The following MIGA1 variants were observed in gnomAD, a reference collection of about 807,000 sequenced individuals.
The protein encoded by MIGA1 is mitoguardin 1, also known as family with sequence similarity 73, member A.
MIGA1 carries 58 observed loss-of-function variants against 82.0 expected under a neutral mutation model. The ratio of observed to expected loss-of-function variants is 0.71; its 90% confidence interval spans 0.57 to 0.88. MIGA1 has a LOEUF of 0.88. Ranked by LOEUF, MIGA1 falls within the 40% of genes least tolerant of loss-of-function variation. MIGA1 has a pLI of 0.00. For missense variants in MIGA1, 751 were observed against 749.1 expected (o/e 1.00, Z -0.03); for synonymous variants, 249 against 253.6 (o/e 0.98, Z 0.17).
chr1:77,840,487 A>G (rs1684587255), intron 7 of MIGA1, among the ~76,000 whole-genome samples: 1 of 152,152 alleles, frequency 6.6e-6, no homozygotes. Context: ...ATATGGAAAC[A>G]AGAGTTAATT....
chr1:77,859,455 C>A, intron 10 of MIGA1, 69 bp downstream of exon 10: 2 of 1,017,102 alleles, frequency 2.0e-6, no homozygotes, highest in Non-Finnish European at 3.1e-6. Context: ...GAGTCCAGTG[C>A]AAATAAACAG....
intron 14 of MIGA1, among the ~76,000 whole-genome samples, chr1:77,867,811 A>G (rs559554892): frequency 8.1e-4 from 124 of 152,362 alleles, no homozygotes; most frequent in Non-Finnish European, 1.6e-3. Flanking sequence ...ATTTTAAAGT[A>G]TAGTCCTCAC....
chr1:77,857,362 T>C (rs1407070869), intron 8 of MIGA1, among the ~76,000 whole-genome samples: 1 of 151,918 alleles, frequency 6.6e-6, no homozygotes, highest in Non-Finnish European at 1.5e-5. Flanking sequence ...TTGTATTGTA[T>C]TGTATTGTAT....
chr1:77,871,113 G>C (rs1685971138), intron 14 of MIGA1, among the ~76,000 whole-genome samples: 1 of 20,410 alleles, frequency 4.9e-5, no homozygotes, highest in Non-Finnish European at 2.2e-4. Context: ...GAGAGGGAGA[G>C]GGAGAGGGAG....
chr1:77,810,669 A>T (rs1683289946), intron 5 of MIGA1, among the ~76,000 whole-genome samples: 1 of 152,204 alleles, frequency 6.6e-6, no homozygotes, highest in Non-Finnish European at 1.5e-5. Context: ...CTGTATCCCA[A>T]GGAGTCCTAT....
chr1:77,866,249 TTTTA>T (rs1685661913), intron 13 of MIGA1, 85 bp from the exon 14 acceptor site: 3 of 1,232,178 alleles, frequency 2.4e-6, no homozygotes, highest in Admixed American at 1.7e-5. Flanking sequence ...GTATTGAACG[TTTTA>T]GACCCATAAA....
intron 5 of MIGA1, among the ~76,000 whole-genome samples, chr1:77,808,041 A>G (rs1683170913): frequency 6.6e-6 from 1 of 151,538 alleles, no homozygotes; most frequent in Non-Finnish European, 1.5e-5. Flanking sequence ...GCTGGTCTTG[A>G]ACTCCTGAGC....
At chr1:77,853,064 C>T (rs1685114422) in intron 8 of MIGA1, among the ~76,000 whole-genome samples, 1 of 152,196 alleles carries the variant, frequency 6.6e-6, no homozygotes, top group African/African-American at 2.4e-5. Flanking sequence ...ATTAGCACAG[C>T]ACTGGCTGCA....
At chr1:77,819,118 T>A (rs1683701394) in intron 7 of MIGA1, among the ~76,000 whole-genome samples, 1 of 148,932 alleles carries the variant, frequency 6.7e-6, no homozygotes, top group Non-Finnish European at 1.5e-5. Context: ...ATCATCTCAA[T>A]CCCTACAACA....
chr1:77,855,553 G>A (rs182164040), intron 8 of MIGA1, among the ~76,000 whole-genome samples: 230 of 152,092 alleles, frequency 1.5e-3, no homozygotes, highest in African/African-American at 5.1e-3. Context: ...TGTTTGGGTC[G>A]TCTCTGATTT....
At chr1:77,832,080 TAGC>T (rs1684265127) in intron 7 of MIGA1, among the ~76,000 whole-genome samples, 1 of 152,226 alleles carries the variant, frequency 6.6e-6, no homozygotes, top group Admixed American at 6.5e-5. Flanking sequence ...GTAGTAGTAT[TAGC>T]AGGCAACACT....
intron 3 of MIGA1, 132 bp from the exon 4 acceptor site, chr1:77,803,138 T>C: frequency 2.3e-6 from 1 of 430,784 alleles, no homozygotes. Context: ...TGTAATAATT[T>C]ACACAAGTGA....
intron 7 of MIGA1, among the ~76,000 whole-genome samples, chr1:77,839,086 G>A (rs2101879127): frequency 6.6e-6 from 1 of 152,222 alleles, no homozygotes; most frequent in Admixed American, 6.5e-5. Flanking sequence ...CACACCCACG[G>A]GTAGAATTGC....
Position 77,806,214 on chromosome 1 carries a change from T to C in MIGA1, c.511-761T>C, listed in dbSNP as rs192297577. ...CTGTACCACATGCTACTGAACTGAA[T>C]AATGTAGGCAATTGAAACACAATGG... On this transcript the variant is annotated intron_variant, in intron 4 of 15. Transcript: ENST00000370791. Among the ~76,000 whole-genome samples, 334 of 152,314 alleles carry C rather than the reference T, an allele frequency of 2.2e-3. 3 individuals carry two copies. The highest frequency in any genetic ancestry group is 7.7e-3 in the African/African-American group (320 of 41,562).
chr1:77,851,415 C>T (rs1313797586), intron 8 of MIGA1, among the ~76,000 whole-genome samples: 1 of 152,084 alleles, frequency 6.6e-6, no homozygotes, highest in Non-Finnish European at 1.5e-5. Context: ...CTGAAATTAA[C>T]TGCCTTATTG....
In MIGA1 at chr1:77,877,739, G is replaced by C. The variant is rs934797180; in HGVS notation, c.*2675G>C. On this transcript the variant is annotated 3_prime_UTR_variant, in exon 16 of 16. Coordinates refer to ENST00000370791, the MANE Select transcript of MIGA1 (RefSeq NM_198549.4). ...TTGAAGAATTGCACTATTTGATAAT[G>C]CTGCTACTACATGAGATAACTCTGG... 3 of 152,690 alleles carry C rather than the reference G, an allele frequency of 2.0e-5. No individual in the cohort carries two copies. The highest frequency in any genetic ancestry group is 4.4e-5 in the Non-Finnish European group (3 of 68,048). 9.5% of individuals were successfully genotyped at this position (152,690 alleles called of 1,614,324 possible).
At chr1:77,839,152 G>A (rs1416000502) in intron 7 of MIGA1, among the ~76,000 whole-genome samples, 2 of 152,114 alleles carry the variant, frequency 1.3e-5, no homozygotes, top group African/African-American at 2.4e-5. Context: ...ACTTTTCAAA[G>A]TGGTTCTGCC....
intron 7 of MIGA1, among the ~76,000 whole-genome samples, chr1:77,818,278 C>G (rs1197724132): frequency 2.0e-5 from 3 of 152,002 alleles, no homozygotes; most frequent in Non-Finnish European, 4.4e-5. Context: ...CATGCACCAC[C>G]ATGCCTGGCT....
chr1:77,780,406 A>G (rs1681854313), intron 1 of MIGA1, among the ~76,000 whole-genome samples: 1 of 152,030 alleles, frequency 6.6e-6, no homozygotes, highest in Non-Finnish European at 1.5e-5. Context: ...GGACTTTGAA[A>G]CCTTTATTAT....
Sources: allele counts gnomAD v4.1 joint callset (sites outside exome capture counted in the v4.1 genomes callset), GRCh38; gene constraint gnomAD v4.1.1; transcripts MANE v1.5; gene names NCBI Gene and HGNC (gene_info 2026-07-23, HGNC 2026-07-21).